Variants in C1QC observed in about 807,000 individuals in gnomAD.
The protein encoded by C1QC is complement C1q subcomponent subunit C.
In C1QC, 4 loss-of-function variants were observed where a neutral mutation model predicts 5.9. The ratio of observed to expected loss-of-function variants is 0.68; its 90% CI spans 0.33 to 1.55. C1QC has a LOEUF of 1.55. Among genes scored for constraint, C1QC ranks in the 40% most tolerant of loss-of-function variants. The pLI, the probability that C1QC is intolerant of heterozygous loss-of-function variation, is 0.06. For missense variants in C1QC, 299 were observed against 326.9 expected (o/e 0.91, Z 0.66); for synonymous variants, 166 against 153.8 (o/e 1.08, Z -0.59).
Position 22,647,948 on chromosome 1 carries a change from C to A in C1QC, c.*165C>A, listed in dbSNP as rs1296901622. On this transcript the variant is annotated 3_prime_UTR_variant, in exon 3 of 3. Transcript: ENST00000374640. ...GACCCACCCCCACTGCACCCCCTCC[C>A]CATGGGTTCTCTCCTTCCTCTGAAC... The A allele has an allele frequency of 4.5e-6, 4 of 890,108 alleles. No homozygotes were observed. Among genetic ancestry groups the A allele is most frequent in the Non-Finnish European group, 6.8e-6 (4 of 588,982 alleles). 55.1% of individuals were successfully genotyped at this position (890,108 alleles called of 1,614,324 possible).
At chr1:22,646,560 T>G (rs1642371853) in intron 2 of C1QC, among the ~76,000 whole-genome samples, 1 of 152,240 alleles carries the variant, frequency 6.6e-6, no homozygotes, top group Non-Finnish European at 1.5e-5. Flanking sequence ...CATTATACTT[T>G]AGTCATACAA....
rs373996793 is a variant in C1QC, at chr1:22,647,702, G to A, written c.657G>A (p.Leu219=). The change falls in exon 3 of 3, where the codon CTG becomes CTA. Residue 219 remains leucine (L), a synonymous_variant. Transcript: ENST00000374640. ...TGCAGGTGGGCGAGGAGGTGTGGCT[G>A]GCTGTCAATGACTACTACGACATGG... is the stretch of plus-strand genomic sequence containing the variant. ...LRLQVGEEVW[L]AVNDYYDMVG... 8.7e-6 allele frequency: 14 copies of A among 1,604,728 alleles called. No individual in the cohort carries two copies. The highest frequency in any genetic ancestry group is 1.7e-5 in the Admixed American group (1 of 60,000).
chr1:22,646,796 A>G (rs540549782), intron 2 of C1QC, among the ~76,000 whole-genome samples: 1 of 152,370 alleles, frequency 6.6e-6, no homozygotes, highest in South Asian at 2.1e-4. Flanking sequence ...CAAATTTTAA[A>G]TAAGTTCTGA....
intron 1 of C1QC, 40 bp downstream of exon 1, chr1:22,643,754 G>T: frequency 8.3e-6 from 11 of 1,318,466 alleles, no homozygotes; most frequent in Non-Finnish European, 1.1e-5. Context: ...GCAGATGGCC[G>T]TTTCCTCCAC....
intron 1 of C1QC, 57 bp from the exon 2 acceptor site, chr1:22,643,954 A>G: frequency 6.5e-7 from 1 of 1,538,658 alleles, no homozygotes; most frequent in South Asian, 1.3e-5. Flanking sequence ...CTGGGGAATG[A>G]GAGGGTTGGG....
At chr1:22,644,995 C>T (rs1642345443) in intron 2 of C1QC, among the ~76,000 whole-genome samples, 1 of 152,022 alleles carries the variant, frequency 6.6e-6, no homozygotes, top group Admixed American at 6.5e-5. Context: ...GGTATGAGTG[C>T]CTTGTCTGTG....
chr1:22,646,992 C>T (rs1642378167), intron 2 of C1QC, among the ~76,000 whole-genome samples: 1 of 152,134 alleles, frequency 6.6e-6, no homozygotes, highest in Non-Finnish European at 1.5e-5. Context: ...CAGGGAAGTG[C>T]CTTAGACAAG....
chr1:22,645,004 T>C (rs2148295448), intron 2 of C1QC, among the ~76,000 whole-genome samples: 1 of 152,088 alleles, frequency 6.6e-6, no homozygotes, highest in South Asian at 2.1e-4. Flanking sequence ...GCCTTGTCTG[T>C]GAGTGAGCTG....
rs1179566521 is a variant in C1QC at position 22,647,159 on chromosome 1, G to A, written c.182-68G>A. 12 of 1,560,566 alleles carry A rather than the reference G, an allele frequency of 7.7e-6. No homozygotes were observed. The East Asian group carries it at 2.7e-4, about 35-fold the overall frequency. On this transcript the variant is annotated intron_variant, in intron 2 of 2. Transcript: ENST00000374640. Reference sequence around the variant, plus strand: ...AATGCCAGCGCTGTGTTCCCTGGAAGACACCCTCAGGGTCCCTCCTCCCTG... The same window carrying A: ...AATGCCAGCGCTGTGTTCCCTGGAAAACACCCTCAGGGTCCCTCCTCCCTG...
intron 2 of C1QC, among the ~76,000 whole-genome samples, chr1:22,644,468 C>T (rs1052945780): frequency 1.3e-5 from 2 of 152,196 alleles, no homozygotes; most frequent in African/African-American, 2.4e-5. Context: ...GGAATAAGAG[C>T]GCCTGCCCCC....
chr1:22,645,604 A>T (rs1642355613), intron 2 of C1QC, among the ~76,000 whole-genome samples: 1 of 152,162 alleles, frequency 6.6e-6, no homozygotes, highest in Non-Finnish European at 1.5e-5. Context: ...GAAGGATGAG[A>T]CGCTGCTCTG....
intron 2 of C1QC, among the ~76,000 whole-genome samples, 180 bp from the exon 3 acceptor site, chr1:22,647,043 ACTCT>A (rs1642378938): frequency 6.6e-6 from 1 of 150,894 alleles, no homozygotes; most frequent in South Asian, 2.1e-4. Flanking sequence ...CTTGAACCAG[ACTCT>A]CTCTCTCCCC....
intron 2 of C1QC, among the ~76,000 whole-genome samples, chr1:22,644,723 G>A (rs1015192372): frequency 6.6e-6 from 1 of 152,220 alleles, no homozygotes; most frequent in African/African-American, 2.4e-5. Flanking sequence ...AGGTTGCTGT[G>A]AGGATTAAGT....
At chr1:22,645,824 C>T (rs1248451379) in intron 2 of C1QC, among the ~76,000 whole-genome samples, 1 of 152,162 alleles carries the variant, frequency 6.6e-6, no homozygotes, top group Non-Finnish European at 1.5e-5. Flanking sequence ...GGTCCCGACC[C>T]CACACTCCTA....
chr1:22,644,141 G>C lies in C1QC; in HGVS notation c.118G>C (p.Gly40Arg). Residue 40 changes from glycine (G) to arginine (R), a missense_variant, in exon 2 of 3, where the codon GGC becomes CGC. By Grantham distance (125) the Gly-to-Arg change is moderately radical (BLOSUM62 -2). Coordinates refer to ENST00000374640, the MANE Select transcript of C1QC (RefSeq NM_172369.5). ...TGCYGIPGMP[G>R]LPGAPGKDGY... is the part of the protein sequence containing the mutation. ...CTGCTACGGGATCCCAGGGATGCCC[G>C]GCCTGCCCGGGGCACCAGGGAAGGA... 1 of 1,585,502 alleles carries C rather than the reference G, an allele frequency of 6.3e-7. No homozygotes were observed. The highest frequency in any genetic ancestry group is 8.6e-7 in the Non-Finnish European group (1 of 1,166,852).
Position 22,647,532 on chromosome 1 carries a change from C to A in C1QC, c.487C>A (p.Pro163Thr). ...TSTGKFTCKV[P>T]GLYYFVYHAS... ...CACTGGCAAGTTCACCTGCAAAGTCCCCGGCCTCTACTACTTTGTCTACCA... is the reference window on the plus strand; with the variant it reads ...CACTGGCAAGTTCACCTGCAAAGTCACCGGCCTCTACTACTTTGTCTACCA... The change falls in exon 3 of 3, where the codon CCC becomes ACC. Residue 163 changes from proline (P) to threonine (T), a missense_variant. This residue lies in a region of C1QC where 144 missense variants were observed against 155.1 expected (regional missense o/e 0.93). Transcript: ENST00000374640. The A allele has an allele frequency of 1.2e-6, 2 of 1,614,258 alleles. No homozygotes were observed. Among genetic ancestry groups the A allele is most frequent in the Non-Finnish European group, 8.5e-7 (1 of 1,180,056 alleles).
intron 2 of C1QC, among the ~76,000 whole-genome samples, chr1:22,646,163 C>A (rs1034435813): frequency 6.6e-6 from 1 of 152,170 alleles, no homozygotes; most frequent in Non-Finnish European, 1.5e-5. Context: ...GCTTCCTCAT[C>A]GGCAACATGA....
chr1:22,645,801 G>C (rs763471021), intron 2 of C1QC, among the ~76,000 whole-genome samples: 1 of 152,118 alleles, frequency 6.6e-6, no homozygotes, highest in Non-Finnish European at 1.5e-5. Flanking sequence ...AGATGTGAAG[G>C]CCAGGTCTGC....
intron 1 of C1QC, 110 bp downstream of exon 1, chr1:22,643,824 G>T: frequency 1.5e-6 from 2 of 1,355,000 alleles, no homozygotes; most frequent in Non-Finnish European, 1.9e-6. Context: ...GGGGAAGGAG[G>T]GTTCCCACTC....
Sources: allele counts gnomAD v4.1 joint callset (sites outside exome capture counted in the v4.1 genomes callset), GRCh38; gene constraint gnomAD v4.1.1; regional missense constraint gnomAD v4.1.1; transcripts MANE v1.5; gene names NCBI Gene and HGNC (gene_info 2026-07-23, HGNC 2026-07-21).